The following ECE2 variants were observed in gnomAD, a reference collection of about 807,000 sequenced individuals.
ECE2 encodes the protein endothelin converting enzyme 2.
Under a neutral mutation model 100.6 loss-of-function variants are expected in ECE2, and 81 were observed. That is an observed-to-expected ratio of 0.81 (90% CI 0.67 to 0.97). The LOEUF (loss-of-function observed/expected upper bound fraction) is 0.97, where lower values mean the gene tolerates loss of function less well. ECE2 is among the 50% of genes least tolerant of loss of function. The pLI is 0.00. For missense variants in ECE2, 911 were observed against 988.1 expected (o/e 0.92, Z 1.05); for synonymous variants, 391 against 391.5 (o/e 1.00, Z 0.02).
At chr3:184,286,721 T>C (rs1721048623) in intron 10 of ECE2, among the ~76,000 whole-genome samples, 1 of 149,986 alleles carries the variant, frequency 6.7e-6, no homozygotes, top group Admixed American at 6.7e-5. Flanking sequence ...GGAGAATCAC[T>C]TAAACCTGGA....
At chr3:184,276,683 C>G (rs770199351) in intron 2 of ECE2, 116 bp downstream of exon 2, 1 of 1,552,432 alleles carries the variant, frequency 6.4e-7, no homozygotes, top group Non-Finnish European at 8.7e-7. Flanking sequence ...CGCTCCATCT[C>G]TGGCCTCTGC....
intron 8 of ECE2, 55 bp from the exon 9 acceptor site, chr3:184,284,908 A>G: frequency 1.3e-6 from 2 of 1,588,342 alleles, no homozygotes; most frequent in Non-Finnish European, 1.7e-6. Flanking sequence ...ACAGTGGGGG[A>G]GGGTTCTGCT....
In ECE2 at chr3:184,287,848, G is replaced by A. The variant is rs760647581; in HGVS notation, c.1275G>A (p.Pro425=). ...TTGTCCTTTAACAGTCCTGTGTGCC[G>A]AGGTGGCAGACCTGCATCTCCAACA... ...TLYGTKKSCV[P]RWQTCISNTD... The change falls in exon 11 of 19, where the codon CCG becomes CCA. Residue 425 remains proline, a synonymous_variant. Coordinates refer to ENST00000404464, the MANE Select transcript of ECE2 (RefSeq NM_001100121.2). 7 of 1,614,008 alleles carry A rather than the reference G, an allele frequency of 4.3e-6. No homozygotes were observed. The highest frequency in any genetic ancestry group is 2.2e-5 in the East Asian group (1 of 44,898).
chr3:184,290,219 C>A (rs1311811940), intron 13 of ECE2, 36 bp from the exon 14 acceptor site: 2 of 1,554,044 alleles, frequency 1.3e-6, no homozygotes, highest in Admixed American at 1.7e-5. Flanking sequence ...CCAATGGATT[C>A]TCTTGCTCTC....
rs571578735 is a variant in ECE2, at chr3:184,276,145, G to A, written c.-9G>A. 1.4e-6 allele frequency: 2 copies of A among 1,397,850 alleles called. No homozygotes were observed. Among genetic ancestry groups the A allele is most frequent in the African/African-American group, 3.0e-5 (2 of 66,376 alleles). 86.6% of individuals were successfully genotyped at this position (1,397,850 alleles called of 1,614,324 possible). ...GGAGCCCTGAATCACCGCCTGGCCC[G>A]ACTCCACCATGAACGTCGCGCTGCA... On this transcript the variant is annotated 5_prime_UTR_variant, in exon 1 of 19. Transcript: ENST00000404464.
rs369483010 is a variant in ECE2 at position 184,283,796 on chromosome 3, C to G, written c.828C>G (p.Ala276=). The change falls in exon 8 of 19, where the codon GCC becomes GCG. Residue 276 remains alanine (A), a synonymous_variant. Coordinates refer to ENST00000404464, the MANE Select transcript of ECE2 (RefSeq NM_001100121.2). ...CCGGGCCTTGACAGGTGCTCACTGC[C>G]TATCTGGATTACATGGAGGAACTGG... ...NRTANEKVLT[A]YLDYMEELGM... 1.9e-5 allele frequency: 30 copies of G among 1,613,560 alleles called. No individual in the cohort carries two copies. The highest frequency in any genetic ancestry group is 8.3e-5 in the Admixed American group (5 of 59,934).
In ECE2 at chr3:184,287,949, TGA is replaced by T. The variant is rs1240315574; in HGVS notation, c.1374+4_1374+5del. ...TTTGACCGGCAAAGCAAAGAAATTG[TGA>T]GTCTACAAGATTCTTTCAACACTAT... On this transcript the variant is annotated splice_donor_region_variant and intron_variant, in intron 11 of 18. Coordinates refer to ENST00000404464, the MANE Select transcript of ECE2 (RefSeq NM_001100121.2). 2.5e-6 allele frequency: 4 copies of T among 1,613,466 alleles called. No homozygotes were observed. Among genetic ancestry groups the T allele is most frequent in the Non-Finnish European group, 3.4e-6 (4 of 1,179,460 alleles).
intron 14 of ECE2, 75 bp downstream of exon 14, chr3:184,290,433 A>G: frequency 1.3e-6 from 2 of 1,564,764 alleles, no homozygotes; most frequent in Non-Finnish European, 1.8e-6. Flanking sequence ...ATGGGGGAAA[A>G]GGGTGGCAAG....
intron 11 of ECE2, 54 bp downstream of exon 11, chr3:184,288,001 A>T: frequency 6.5e-7 from 1 of 1,534,400 alleles, no homozygotes; most frequent in South Asian, 1.1e-5. Flanking sequence ...CTGTTCATGT[A>T]TGTGCAGACA....
chr3:184,282,112 C>A (rs1042585884), intron 7 of ECE2, among the ~76,000 whole-genome samples: 3 of 152,016 alleles, frequency 2.0e-5, no homozygotes, highest in African/African-American at 7.3e-5. Context: ...CAAACAACAA[C>A]AAAAAAACTA....
chr3:184,277,012 G>T lies in ECE2; in HGVS notation c.247G>T (p.Val83Phe), dbSNP rs148059060. The T allele has an allele frequency of 1.4e-5, 23 of 1,613,930 alleles. No homozygotes were observed. The African/African-American group carries it at 2.9e-4, about 21-fold the overall frequency. ...TCTGGGCTGCCTTGTGGCCCTAGGG[G>T]TCCAGTACCACAGAGGTAGGTGGGC... The part of the protein sequence containing the change: ...LLLGCLVALG[V>F]QYHRDPSHST... The change falls in exon 3 of 19, where the codon GTC (valine) becomes TTC (phenylalanine). Residue 83 changes from valine (V) to phenylalanine (F), a missense_variant. Physicochemically the swap from Val to Phe is conservative, Grantham distance 50. Transcript: ENST00000404464.
chr3:184,278,082 G>C, intron 5 of ECE2, 33 bp downstream of exon 5: 6 of 1,613,742 alleles, frequency 3.7e-6, no homozygotes, highest in Non-Finnish European at 5.1e-6. Flanking sequence ...GGGCAGGGGA[G>C]CAGGAGAGGC....
chr3:184,292,549 A>C lies in ECE2; in HGVS notation c.*311A>C. On this transcript the variant is annotated 3_prime_UTR_variant, in exon 19 of 19. Coordinates refer to ENST00000404464, the MANE Select transcript of ECE2 (RefSeq NM_001100121.2). The stretch of plus-strand genomic sequence containing the variant: ...GTCTGCCTCTTCTGTCCCCAGGCTC[A>C]CTCAGCCTGGCGGCCATGGGGCCTG... 1.0e-5 allele frequency: 4 copies of C among 386,346 alleles called. No homozygotes were observed. The highest frequency in any genetic ancestry group is 4.7e-5 in the East Asian group (1 of 21,206). 23.9% of individuals were successfully genotyped at this position (386,346 alleles called of 1,614,324 possible).
At position 184,278,025 on chromosome 3, in the gene ECE2, GC is replaced by G; in HGVS notation, c.581del (p.Pro194HisfsTer2). 6.2e-7 allele frequency: 1 copy of G among 1,614,094 alleles called. No homozygotes were observed. The highest frequency in any genetic ancestry group is 8.5e-7 in the Non-Finnish European group (1 of 1,180,040). ...VERIEELGAQ[P>X]LRDLIEKIGG... is the part of the protein sequence containing the mutation. ...AGCGCATTGAGGAGCTGGGAGCCCA[GC>G]CACTGAGAGACCTCATTGAGAAGGT... On this transcript the variant is annotated frameshift_variant, in exon 5 of 19. Coordinates refer to ENST00000404464, the MANE Select transcript of ECE2 (RefSeq NM_001100121.2). LOFTEE classifies it high-confidence loss of function.
chr3:184,282,685 G>C (rs934164302), intron 7 of ECE2, among the ~76,000 whole-genome samples: 3 of 152,180 alleles, frequency 2.0e-5, no homozygotes, highest in African/African-American at 7.2e-5. Flanking sequence ...CATGGCCCTG[G>C]GGTCATCAGG....
At chr3:184,279,516 C>A (rs1322634203) in intron 7 of ECE2, among the ~76,000 whole-genome samples, 1 of 151,500 alleles carries the variant, frequency 6.6e-6, no homozygotes, top group Non-Finnish European at 1.5e-5. Context: ...ATTAGCCAGG[C>A]ATGGTGGTGT....
intron 5 of ECE2, 57 bp from the exon 6 acceptor site, chr3:184,278,110 C>G: frequency 1.2e-6 from 2 of 1,613,008 alleles, no homozygotes; most frequent in South Asian, 1.1e-5. Flanking sequence ...GAGGAGATGG[C>G]CCAGGAACGC....
At position 184,291,316 on chromosome 3, in the gene ECE2, G is replaced by A; in HGVS notation, c.2026-28G>A. The A allele has an allele frequency of 6.3e-7, 1 of 1,591,260 alleles. No individual in the cohort carries two copies. The highest frequency in any genetic ancestry group is 8.6e-7 in the Non-Finnish European group (1 of 1,166,968). On this transcript the variant is annotated intron_variant, in intron 17 of 18. Transcript: ENST00000404464. This position sits in a 1 kb window ranked among gnomAD's most constrained non-coding sequence, Gnocchi z 4.1. ...GGGTGGGTGGGGGCAGGCCTGGATG[G>A]GCTTGTTGCCCACTGTTCTGTCCCC...
Position 184,278,366 on chromosome 3 carries a change from A to G in ECE2, c.750+53A>G. 3.1e-6 allele frequency: 5 copies of G among 1,599,286 alleles called. No homozygotes were observed. The South Asian group carries it at 5.7e-5, about 18-fold the overall frequency. On this transcript the variant is annotated intron_variant, in intron 6 of 18. Coordinates refer to ENST00000404464, the MANE Select transcript of ECE2 (RefSeq NM_001100121.2). ...GACTTAGGGACACTTTGCTGAGCCC[A>G]GACTTCCCTCTCCTGTGACAGGCAG...
Sources: gnomAD v4.1 joint callset for allele counts (sites outside exome capture counted in the v4.1 genomes callset) on GRCh38, gnomAD v4.1.1 for gene constraint, Gnocchi (gnomAD v3.1) non-coding constraint, MANE v1.5 for transcripts, NCBI Gene and HGNC (gene_info 2026-07-23, HGNC 2026-07-21) for gene names.